ACSL3: variants seen among roughly 807,000 people sequenced by gnomAD.
The protein encoded by ACSL3 is acyl-CoA synthetase long chain family member 3.
A neutral mutation model predicts 84.7 loss-of-function variants in ACSL3; 34 were observed. The ratio of observed to expected loss-of-function variants is 0.40; its 90% CI spans 0.31 to 0.53. The LOEUF (loss-of-function observed/expected upper bound fraction) is 0.53. ACSL3 is among the 20% of genes least tolerant of loss of function. The probability of loss-of-function intolerance (pLI) is 0.48; values close to 1 mark genes in which losing one functional copy is unlikely to be tolerated. For missense variants in ACSL3, 680 were observed against 873.1 expected, an observed-to-expected ratio of 0.78 and a Z score of 2.79; for synonymous variants, 315 against 299.4, an observed-to-expected ratio of 1.05 and a Z score of -0.54.
chr2:222,923,303 C>A (rs1430750142), intron 10 of ACSL3, among the ~76,000 whole-genome samples, 154 bp downstream of exon 10: 1 of 152,224 alleles, frequency 6.6e-6, no homozygotes, highest in African/African-American at 2.4e-5. Flanking sequence ...TATGGGATTT[C>A]TTCAGTCTTG....
intron 2 of ACSL3, among the ~76,000 whole-genome samples, chr2:222,892,523 C>T (rs1695867162): frequency 6.6e-6 from 1 of 152,066 alleles, no homozygotes; most frequent in South Asian, 2.1e-4. Flanking sequence ...TCTTTCTGCC[C>T]TTCTTGACCC....
chr2:222,930,406 A>G (rs536929031), intron 13 of ACSL3, among the ~76,000 whole-genome samples: 1 of 150,292 alleles, frequency 6.7e-6, no homozygotes, highest in East Asian at 1.9e-4. Flanking sequence ...TTTTTCTCAG[A>G]ATAGAAGTTT....
chr2:222,911,643 G>T (rs767892864), intron 4 of ACSL3, among the ~76,000 whole-genome samples: 1 of 152,152 alleles, frequency 6.6e-6, no homozygotes, highest in Non-Finnish European at 1.5e-5. Flanking sequence ...TCGTCATTCG[G>T]TATGTACAGC....
rs35845392 is a variant in ACSL3 at position 222,906,618 on chromosome 2, ATT to A, written c.-40-2100_-40-2099del. ...CTGCTGTCACAGAACTACCAGCCTC[ATT>A]TTTTTTTTTTTTTTAGATGGAATCT... On this transcript the variant is annotated intron_variant, in intron 3 of 16. Coordinates refer to ENST00000357430, the MANE Select transcript of ACSL3 (RefSeq NM_004457.5). Among the ~76,000 whole-genome samples, 460 of 142,334 alleles carry A rather than the reference ATT, an allele frequency of 3.2e-3. 2 individuals carry two copies. Among genetic ancestry groups the A allele is most frequent in the South Asian group, 0.019 (85 of 4,472 alleles). The allele number at this position is 142,334 out of a possible 152,430, so 93.4% of individuals were successfully genotyped here.
chr2:222,931,875 T>C (rs901588230), intron 14 of ACSL3, among the ~76,000 whole-genome samples: 24 of 152,256 alleles, frequency 1.6e-4, no homozygotes, highest in Admixed American at 1.4e-3. Context: ...ACCTGACCTC[T>C]CACTTTTCCC....
At position 222,930,722 on chromosome 2, in the gene ACSL3, G is replaced by A. The variant is rs558582780; in HGVS notation, c.1642G>A (p.Ala548Thr). ...CTACAAAAATGAAGCAAAAACAAAA[G>A]CTGATTTCTTTGAAGATGAAAATGG... Reference protein sequence around the residue: ...GYYKNEAKTKADFFEDENGQR... With the variant: ...GYYKNEAKTKTDFFEDENGQR... Residue 548 changes from alanine to threonine, a missense_variant, in exon 14 of 17, where the codon GCT becomes ACT. Around this residue, in one of 2 missense-constraint regions of ACSL3, gnomAD observed 347 missense variants for 525.7 expected, o/e 0.66. Transcript: ENST00000357430. The A allele has an allele frequency of 1.2e-4, 194 of 1,614,094 alleles. 1 individual carries two copies. The South Asian group carries it at 2.0e-3, about 16-fold the overall frequency.
At chr2:222,867,630 C>T (rs1283832264) in intron 1 of ACSL3, among the ~76,000 whole-genome samples, 1 of 152,130 alleles carries the variant, frequency 6.6e-6, no homozygotes, top group Non-Finnish European at 1.5e-5. Flanking sequence ...AGATTTAGGT[C>T]ATTTATTTTT....
intron 1 of ACSL3, among the ~76,000 whole-genome samples, chr2:222,863,974 G>T (rs371431931): frequency 6.8e-6 from 1 of 146,392 alleles, no homozygotes; most frequent in African/African-American, 2.5e-5. Flanking sequence ...CAAATTTAAG[G>T]TTTTTTTTTT....
intron 2 of ACSL3, among the ~76,000 whole-genome samples, chr2:222,889,935 A>G (rs1695804807): frequency 6.6e-6 from 1 of 152,214 alleles, no homozygotes; most frequent in African/African-American, 2.4e-5. Context: ...AGCTTTTCTT[A>G]GTGGTAAAAT....
intron 1 of ACSL3, among the ~76,000 whole-genome samples, chr2:222,862,813 C>T (rs1027744099): frequency 6.6e-6 from 1 of 152,150 alleles, no homozygotes; most frequent in Non-Finnish European, 1.5e-5. Context: ...ATCTCAGTTA[C>T]TGAATTTGTA....
At chr2:222,922,622 G>C in intron 8 of ACSL3, 86 bp from the exon 9 acceptor site, 1 of 1,548,536 alleles carries the variant, frequency 6.5e-7, no homozygotes, top group Non-Finnish European at 8.8e-7. Flanking sequence ...GCCCTTCCAT[G>C]TGCCTTCAAG....
intron 1 of ACSL3, among the ~76,000 whole-genome samples, chr2:222,880,846 C>CA (rs987596069): frequency 3.3e-4 from 47 of 142,630 alleles, no homozygotes; most frequent in Middle Eastern, 3.6e-3. Flanking sequence ...AAAAAAAAAA[C>CA]AAAAAAAAAC....
chr2:222,878,439 C>T (rs1376990877), intron 1 of ACSL3, among the ~76,000 whole-genome samples: 1 of 152,198 alleles, frequency 6.6e-6, no homozygotes, highest in Non-Finnish European at 1.5e-5. Flanking sequence ...CTGCTTATCG[C>T]CTTCTCTGCA....
At position 222,916,450 on chromosome 2, in the gene ACSL3, C is replaced by A. The variant is rs777404453; in HGVS notation, c.510C>A (p.Ala170=). The change falls in exon 5 of 17, where the codon GCC becomes GCA. Residue 170 remains alanine, a synonymous_variant. Coordinates refer to ENST00000357430, the MANE Select transcript of ACSL3 (RefSeq NM_004457.5). ...TCGCCATCTTCTGTGAGACCAGGGC[C>A]GAGTGGATGATAGCTGCACAGGCGT... The part of the protein sequence containing the change: ...TNIAIFCETR[A]EWMIAAQACF... 2.5e-5 allele frequency: 40 copies of A among 1,613,450 alleles called. No homozygotes were observed. The Middle Eastern group carries it at 2.5e-3, about 99-fold the overall frequency.
At chr2:222,928,370 A>C (rs1326212722) in intron 12 of ACSL3, among the ~76,000 whole-genome samples, 1 of 152,234 alleles carries the variant, frequency 6.6e-6, no homozygotes, top group Non-Finnish European at 1.5e-5. Flanking sequence ...GGTGAGGCCT[A>C]ATAAGAAAGT....
At chr2:222,898,975 G>A (rs1696066366) in intron 2 of ACSL3, among the ~76,000 whole-genome samples, 1 of 152,210 alleles carries the variant, frequency 6.6e-6, no homozygotes, top group South Asian at 2.1e-4. Context: ...GTGTGAATGA[G>A]AAATTATTAA....
chr2:222,861,360 G>T (rs1695000328), intron 1 of ACSL3, 102 bp downstream of exon 1: 1 of 151,690 alleles, frequency 6.6e-6, no homozygotes, highest in Non-Finnish European at 1.5e-5. Flanking sequence ...CTCGGGGCCT[G>T]GGACCCTGTC....
chr2:222,865,168 C>T (rs1695105191), intron 1 of ACSL3, among the ~76,000 whole-genome samples: 14 of 152,132 alleles, frequency 9.2e-5, no homozygotes, highest in Admixed American at 6.5e-4. Flanking sequence ...AGCTTTCAGA[C>T]GGTTTCTGTT....
chr2:222,914,649 C>G (rs1374004444), intron 4 of ACSL3, among the ~76,000 whole-genome samples: 1 of 152,130 alleles, frequency 6.6e-6, no homozygotes, highest in Non-Finnish European at 1.5e-5. Flanking sequence ...GATAGGATTG[C>G]TTCAGGGTGT....
Sources: allele counts gnomAD v4.1 joint callset (sites outside exome capture counted in the v4.1 genomes callset), GRCh38; gene constraint gnomAD v4.1.1; regional missense constraint gnomAD v4.1.1; transcripts MANE v1.5; gene names NCBI Gene and HGNC (gene_info 2026-07-23, HGNC 2026-07-21).